The following PSMG2 variants were observed in gnomAD, a reference collection of about 807,000 sequenced individuals.
PSMG2 encodes proteasome assembly chaperone 2.
Under a neutral mutation model 31.5 loss-of-function variants are expected in PSMG2, and 21 were observed. That is an observed-to-expected ratio of 0.67 (90% confidence interval 0.47 to 0.96). PSMG2 has a LOEUF of 0.96. PSMG2 is among the 40% of genes least tolerant of loss of function. The probability of loss-of-function intolerance (pLI) is 0.00; values close to 1 mark genes in which losing one functional copy is unlikely to be tolerated. For synonymous variants in PSMG2, 120 were observed against 110.4 expected, an observed-to-expected ratio of 1.09 and a Z score of -0.54; for missense variants, 318 against 321.2, an observed-to-expected ratio of 0.99 and a Z score of 0.08.
intron 1 of PSMG2, chr18:12,674,869 A>G (rs1446035348): frequency 1.3e-5 from 7 of 557,590 alleles, no homozygotes; most frequent in East Asian, 6.1e-5. Context: ...AAAAGCTATC[A>G]TAATATTTTA....
chr18:12,672,635 A>G (rs957750882), intron 1 of PSMG2: 1 of 981,558 alleles, frequency 1.0e-6, no homozygotes, highest in African/African-American at 1.8e-5. Context: ...TCAGTGATCG[A>G]CTGCAAGATC....
intron 1 of PSMG2, chr18:12,674,721 C>G (rs2039058818): frequency 6.2e-7 from 1 of 1,613,842 alleles, no homozygotes; most frequent in African/African-American, 1.3e-5. Context: ...GGTAGGAGAG[C>G]TGGTCTTCCC....
intron 5 of PSMG2, among the ~76,000 whole-genome samples, chr18:12,721,383 T>C (rs1215829049): frequency 6.6e-6 from 1 of 152,158 alleles, no homozygotes; most frequent in African/African-American, 2.4e-5. Flanking sequence ...TGGTAAAATA[T>C]ACATCGTGCA....
At chr18:12,691,389 G>C in intron 1 of PSMG2, 1 of 1,606,238 alleles carries the variant, frequency 6.2e-7, no homozygotes, top group Non-Finnish European at 8.5e-7. Flanking sequence ...GTCGTGAGTT[G>C]TGTGAGGGTC....
chr18:12,677,862 C>G (rs2039199861), intron 1 of PSMG2, among the ~76,000 whole-genome samples: 2 of 152,268 alleles, frequency 1.3e-5, no homozygotes, highest in South Asian at 4.1e-4. Flanking sequence ...GGGATGTGAA[C>G]AAGTTCACCA....
upstream of PSMG2, chr18:12,699,967 T>C: frequency 8.9e-7 from 1 of 1,119,600 alleles, no homozygotes; most frequent in Non-Finnish European, 1.3e-6. Flanking sequence ...TAAGGAAATG[T>C]CAATAAACAT....
At chr18:12,723,779 T>C (rs1208902210) in intron 5 of PSMG2, among the ~76,000 whole-genome samples, 1 of 152,208 alleles carries the variant, frequency 6.6e-6, no homozygotes, top group Non-Finnish European at 1.5e-5. Context: ...TTAAGCATTT[T>C]GCCTCCACTA....
In PSMG2 at chr18:12,706,560, C is replaced by T; in HGVS notation, c.68C>T (p.Ser23Phe). 6.2e-7 allele frequency: 1 copy of T among 1,613,748 alleles called. No individual in the cohort carries two copies. The highest frequency in any genetic ancestry group is 8.5e-7 in the Non-Finnish European group (1 of 1,179,950). ...CTTTTATAATTTCAGCCAGCAGTATCTGTTGGAAATGTTGGCCAGCTTGCA... is the reference window on the plus strand; with the variant it reads ...CTTTTATAATTTCAGCCAGCAGTATTTGTTGGAAATGTTGGCCAGCTTGCA... ...AGFTLLMPAV[S>F]VGNVGQLAMD... The change falls in exon 2 of 7, where the codon TCT becomes TTT. Residue 23 changes from serine (S) to phenylalanine (F), a missense_variant. By Grantham distance (155) the Ser-to-Phe change is radical. Transcript: ENST00000317615.
intron 3 of PSMG2, among the ~76,000 whole-genome samples, chr18:12,716,209 A>T (rs933231664): frequency 1.2e-4 from 19 of 152,296 alleles, no homozygotes; most frequent in Non-Finnish European, 2.6e-4. Context: ...GATTATTTTT[A>T]ATTCTTATAC....
chr18:12,719,937 G>A (rs1223384588), intron 4 of PSMG2, among the ~76,000 whole-genome samples: 5 of 150,182 alleles, frequency 3.3e-5, no homozygotes, highest in African/African-American at 9.8e-5. Flanking sequence ...GGCTGGTCTC[G>A]AACTCCTGAC....
chr18:12,668,416 C>A (rs2038849096), intron 1 of PSMG2, among the ~76,000 whole-genome samples: 1 of 151,668 alleles, frequency 6.6e-6, no homozygotes, highest in Non-Finnish European at 1.5e-5. Context: ...CAAGACAAAA[C>A]CCTGTCCATA....
At chr18:12,678,337 G>C in intron 1 of PSMG2, 3 of 1,614,098 alleles carry the variant, frequency 1.9e-6, no homozygotes, top group Non-Finnish European at 2.5e-6. Flanking sequence ...AATTTCCCAG[G>C]AACATCTGAT....
chr18:12,719,639 G>C (rs1365156567), intron 4 of PSMG2, among the ~76,000 whole-genome samples: 1 of 151,310 alleles, frequency 6.6e-6, no homozygotes, highest in Non-Finnish European at 1.5e-5. Context: ...TCGCCTGCTG[G>C]GTCTCCCAAA....
intron 2 of PSMG2, among the ~76,000 whole-genome samples, chr18:12,710,273 C>G (rs577311392): frequency 3.9e-5 from 6 of 152,150 alleles, no homozygotes; most frequent in Non-Finnish European, 7.4e-5. Context: ...CACCATTTAT[C>G]TACCCAAGCT....
In PSMG2 at chr18:12,669,116, G is replaced by A. The variant is rs545626645; in HGVS notation, c.-37+10343G>A. Among the ~76,000 whole-genome samples, 7 of 121,776 alleles carry A rather than the reference G, an allele frequency of 5.7e-5. No homozygotes were observed. The East Asian group carries it at 1.3e-3, about 22-fold the overall frequency. 79.9% of individuals were successfully genotyped at this position (121,776 alleles called of 152,430 possible). On this transcript the variant is annotated intron_variant, in intron 1 of 6. Coordinates refer to the PSMG2 transcript ENST00000585331. ...TGCAGTGGTGTGATCTCAGCTCACGGCAACCTCTTTTTTTTTGAGACAGAG... is the reference window on the plus strand; with the variant it reads ...TGCAGTGGTGTGATCTCAGCTCACGACAACCTCTTTTTTTTTGAGACAGAG...
Position 12,678,532 on chromosome 18 carries a change from T to A in PSMG2, c.-37+19759T>A, listed in dbSNP as rs898895779. 22 of 789,608 alleles carry A rather than the reference T, an allele frequency of 2.8e-5. No homozygotes were observed. In the East Asian group the frequency reaches 4.9e-4, roughly 17 times the overall value. 48.9% of individuals were successfully genotyped at this position (789,608 alleles called of 1,614,324 possible). On this transcript the variant is annotated intron_variant, in intron 1 of 6. Transcript: ENST00000585331. ...AAAATTATTCTAACACTTAAGGCCA[T>A]AACTACTTCTCAGAACTACAGTTTA...
At chr18:12,725,330 A>T in intron 6 of PSMG2, 109 bp from the exon 7 acceptor site, 2 of 799,948 alleles carry the variant, frequency 2.5e-6, no homozygotes, top group Non-Finnish European at 3.8e-6. Flanking sequence ...AAACCTGGCT[A>T]TAAAAGTGCC....
At chr18:12,701,071 T>C (rs1377133147), upstream of PSMG2, 6 of 1,613,682 alleles carry the variant, frequency 3.7e-6, no homozygotes, top group Admixed American at 5.0e-5. Context: ...TCTTCCCGTA[T>C]AGTCTCAGCA....
chr18:12,706,379 C>G (rs1457430366), intron 1 of PSMG2, among the ~76,000 whole-genome samples, 171 bp from the exon 2 acceptor site: 1 of 152,172 alleles, frequency 6.6e-6, no homozygotes, highest in Non-Finnish European at 1.5e-5. Flanking sequence ...CTCAGCTACT[C>G]AGGAGGCTGA....
Sources: allele counts gnomAD v4.1 joint callset (sites outside exome capture counted in the v4.1 genomes callset), GRCh38; gene constraint gnomAD v4.1.1; transcripts MANE v1.5; gene names NCBI Gene and HGNC (gene_info 2026-07-23, HGNC 2026-07-21).